The following BCAS3 variants were observed in gnomAD, a reference collection of about 807,000 sequenced individuals.
The protein encoded by BCAS3 is BCAS4/BCAS3 fusion.
In BCAS3, 53 loss-of-function variants were observed where a neutral mutation model predicts 116.1. The ratio of observed to expected loss-of-function variants is 0.46; its 90% CI spans 0.37 to 0.57. The LOEUF (loss-of-function observed/expected upper bound fraction) is 0.57, where lower values mean the gene tolerates loss of function less well. Among genes scored for constraint, BCAS3 ranks in the 20% least tolerant of loss-of-function variants. The probability of loss-of-function intolerance (pLI) is 0.00; values close to 1 mark genes in which losing one functional copy is unlikely to be tolerated. For missense variants in BCAS3, 917 were observed against 1,165.4 expected, an observed-to-expected ratio of 0.79 and a Z score of 3.10; for synonymous variants, 391 against 408.2, an observed-to-expected ratio of 0.96 and a Z score of 0.51.
In BCAS3 at chr17:61,037,700, A is replaced by C. The variant is rs372996372; in HGVS notation, c.1763-189A>C. On this transcript the variant is annotated intron_variant, in intron 17 of 23. Transcript: ENST00000407086. This position sits in a 1 kb window ranked among gnomAD's most constrained non-coding sequence, Gnocchi z 4.7. The stretch of plus-strand genomic sequence containing the variant: ...GGCGGGAGAACCATTTGAACCAGGG[A>C]GGCGGCAGCCTGGGCAGCAAGAGCA... Among the ~76,000 whole-genome samples the C allele has an allele frequency of 6.6e-6, 1 of 152,188 alleles. No individual in the cohort carries two copies. Among genetic ancestry groups the C allele is most frequent in the South Asian group, 2.1e-4 (1 of 4,830 alleles).
At chr17:61,371,757 G>C (rs1319732597) in intron 23 of BCAS3, among the ~76,000 whole-genome samples, 2 of 152,156 alleles carry the variant, frequency 1.3e-5, no homozygotes, top group Non-Finnish European at 2.9e-5. Context: ...ACCCACAGCA[G>C]CATCCGTAGC....
At chr17:61,234,810 G>A (rs1280349797) in intron 22 of BCAS3, among the ~76,000 whole-genome samples, 2 of 148,630 alleles carry the variant, frequency 1.3e-5, no homozygotes, top group Non-Finnish European at 3.0e-5. Flanking sequence ...AAAAATCATA[G>A]TACTGCTTCG....
In BCAS3 at chr17:61,327,051, A is replaced by G. The variant is rs1372703975; in HGVS notation, c.2426-41276A>G. ...CCGGGCGCGGTGGCTCACACCTGTAATCCCAGCACTTTGGGAGGCCGAGGT... is the reference window on the plus strand; with the variant it reads ...CCGGGCGCGGTGGCTCACACCTGTAGTCCCAGCACTTTGGGAGGCCGAGGT... On this transcript the variant is annotated intron_variant, in intron 22 of 23. Coordinates refer to ENST00000407086, the MANE Select transcript of BCAS3 (RefSeq NM_017679.5). This position sits in a 1 kb window ranked among gnomAD's most constrained non-coding sequence, Gnocchi z 5.9. Among the ~76,000 whole-genome samples the G allele has an allele frequency of 6.6e-6, 1 of 152,218 alleles. No individual in the cohort carries two copies. Among genetic ancestry groups the G allele is most frequent in the African/African-American group, 2.4e-5 (1 of 41,456 alleles).
intron 22 of BCAS3, among the ~76,000 whole-genome samples, chr17:61,102,375 C>A (rs2143670733): frequency 6.6e-6 from 1 of 152,184 alleles, no homozygotes; most frequent in East Asian, 1.9e-4. Context: ...ATATAATGAA[C>A]TATCAGTGGT....
At chr17:61,014,006 A>G (rs1285912043) in intron 15 of BCAS3, among the ~76,000 whole-genome samples, 2 of 152,144 alleles carry the variant, frequency 1.3e-5, no homozygotes, top group Non-Finnish European at 2.9e-5. Flanking sequence ...TTTTAGAAAT[A>G]AGATATTAAT....
intron 6 of BCAS3, among the ~76,000 whole-genome samples, chr17:60,790,432 G>T (rs550072013): frequency 1.2e-4 from 19 of 152,272 alleles, no homozygotes; most frequent in Non-Finnish European, 2.2e-4. Context: ...TAGGAGTGAA[G>T]AATTGGCTCT....
At chr17:60,706,720 C>G (rs973696889) in intron 4 of BCAS3, among the ~76,000 whole-genome samples, 1 of 151,528 alleles carries the variant, frequency 6.6e-6, no homozygotes, top group Non-Finnish European at 1.5e-5. Context: ...GATTGTGCCA[C>G]TGTATTCCAG....
intron 22 of BCAS3, among the ~76,000 whole-genome samples, chr17:61,167,781 G>C (rs2078602551): frequency 6.6e-6 from 1 of 152,198 alleles, no homozygotes; most frequent in African/African-American, 2.4e-5. Flanking sequence ...CCTTTGAACA[G>C]ATGGCATTGT....
At chr17:61,091,361 T>C (rs1409979031) in intron 22 of BCAS3, among the ~76,000 whole-genome samples, 3 of 152,192 alleles carry the variant, frequency 2.0e-5, no homozygotes, top group African/African-American at 7.2e-5. Flanking sequence ...GCTGGACTGT[T>C]TATGTAGTCT....
At chr17:61,009,576 G>A (rs1007466826) in intron 15 of BCAS3, among the ~76,000 whole-genome samples, 2 of 151,816 alleles carry the variant, frequency 1.3e-5, no homozygotes, top group African/African-American at 4.8e-5. Context: ...TCACAATATG[G>A]TAAGATATGG....
intron 23 of BCAS3, among the ~76,000 whole-genome samples, chr17:61,375,569 C>CTTT (rs909845597): frequency 1.5e-5 from 2 of 136,566 alleles, no homozygotes; most frequent in African/African-American, 5.5e-5. Context: ...TGTTAATTAT[C>CTTT]TTTTTTTTTT....
chr17:61,309,197 A>G lies in BCAS3; in HGVS notation c.2426-59130A>G, dbSNP rs570996500. On this transcript the variant is annotated intron_variant, in intron 22 of 23. Coordinates refer to ENST00000407086, the MANE Select transcript of BCAS3 (RefSeq NM_017679.5). The surrounding 1 kb of genome is among the most constrained non-coding windows in gnomAD (Gnocchi z 4.6). ...GGAAAAAAGAACGTTAGCTCATGTG[A>G]GGATACGTATAAGGGAATTAGATAA... Among the ~76,000 whole-genome samples the G allele has an allele frequency of 7.9e-4, 121 of 152,214 alleles. No individual in the cohort carries two copies. Among genetic ancestry groups the G allele is most frequent in the Non-Finnish European group, 1.5e-3 (99 of 68,032 alleles).
intron 14 of BCAS3, among the ~76,000 whole-genome samples, chr17:60,971,956 A>C (rs1048838311): frequency 6.6e-6 from 1 of 152,196 alleles, no homozygotes; most frequent in Non-Finnish European, 1.5e-5. Flanking sequence ...TGGCTGCATC[A>C]GGCAGGTGGC....
intron 6 of BCAS3, among the ~76,000 whole-genome samples, chr17:60,761,081 T>C (rs1287583418): frequency 6.6e-6 from 1 of 152,116 alleles, no homozygotes; most frequent in Admixed American, 6.6e-5. Context: ...AAAATACTTA[T>C]CTCTTTTGTA....
Position 60,814,300 on chromosome 17 carries a change from T to TGC in BCAS3, c.476+6225_476+6226insCG, listed in dbSNP as rs1216288009. On this transcript the variant is annotated intron_variant, in intron 7 of 23. Transcript: ENST00000407086. ...GTGTGTGTGTGTGTGTGTGTGTGTGTGTGTGTGCGCGCGTGCCCATTGCAA... is the reference window on the plus strand; with the variant it reads ...GTGTGTGTGTGTGTGTGTGTGTGTGTGCGTGTGTGCGCGCGTGCCCATTGCAA... Among the ~76,000 whole-genome samples, 14 of 130,464 alleles carry TGC rather than the reference T, an allele frequency of 1.1e-4. 1 individual carries two copies. Among genetic ancestry groups the TGC allele is most frequent in the African/African-American group, 2.8e-4 (7 of 25,350 alleles). 85.6% of individuals were successfully genotyped at this position (130,464 alleles called of 152,430 possible).
intron 14 of BCAS3, among the ~76,000 whole-genome samples, chr17:60,976,869 C>T (rs1229668005): frequency 2.6e-5 from 4 of 152,208 alleles, no homozygotes; most frequent in African/African-American, 9.6e-5. Flanking sequence ...AATCTGATCT[C>T]TCTTTCTTTT....
intron 22 of BCAS3, among the ~76,000 whole-genome samples, chr17:61,110,321 A>G (rs571390837): frequency 1.3e-5 from 2 of 152,252 alleles, no homozygotes; most frequent in Admixed American, 1.3e-4. Flanking sequence ...CTGCATTTCC[A>G]TCTGAGGTAC....
At position 61,229,197 on chromosome 17, in the gene BCAS3, G is replaced by C. The variant is rs1467059914; in HGVS notation, c.2426-139130G>C. ...CCTGGCCACCACCACATTCCTTTAA[G>C]CCAAAGCCTAATCCAGAGCAAGGCC... On this transcript the variant is annotated intron_variant, in intron 22 of 23. Coordinates refer to ENST00000407086, the MANE Select transcript of BCAS3 (RefSeq NM_017679.5). This position sits in a 1 kb window ranked among gnomAD's most constrained non-coding sequence, Gnocchi z 4.4. Among the ~76,000 whole-genome samples, 1 of 152,198 alleles carries C rather than the reference G, an allele frequency of 6.6e-6. No homozygotes were observed.
chr17:60,872,815 C>G (rs559546484), intron 8 of BCAS3, among the ~76,000 whole-genome samples: 5 of 151,448 alleles, frequency 3.3e-5, no homozygotes, highest in African/African-American at 1.2e-4. Flanking sequence ...ATGTATATAT[C>G]TGTATGTATA....
Sources: allele counts gnomAD v4.1 joint callset (sites outside exome capture counted in the v4.1 genomes callset), GRCh38; gene constraint gnomAD v4.1.1; non-coding constraint Gnocchi (gnomAD v3.1); transcripts MANE v1.5; gene names NCBI Gene and HGNC (gene_info 2026-07-23, HGNC 2026-07-21).